The following ESR1 variants were observed in gnomAD, a reference collection of about 807,000 sequenced individuals.
ESR1 encodes the protein estrogen receptor 1.
Under a neutral mutation model 52.7 loss-of-function variants are expected in ESR1, and 12 were observed. The observed-to-expected ratio is 0.23, with a 90% CI of 0.15 to 0.37. The LOEUF (loss-of-function observed/expected upper bound fraction) is 0.37, where lower values mean the gene tolerates loss of function less well. Among genes scored for constraint, ESR1 ranks in the 10% least tolerant of loss-of-function variants. The probability of loss-of-function intolerance (pLI) is 1.00; values close to 1 mark genes in which losing one functional copy is unlikely to be tolerated. For synonymous variants in ESR1, 305 were observed against 316.8 expected, an observed-to-expected ratio of 0.96 and a Z score of 0.39; for missense variants, 584 against 779.7, an observed-to-expected ratio of 0.75 and a Z score of 2.99.
intron 1 of ESR1, among the ~76,000 whole-genome samples, chr6:151,670,691 C>CTCAT (rs1450069938): frequency 6.6e-6 from 1 of 151,582 alleles, no homozygotes; most frequent in Non-Finnish European, 1.5e-5. Flanking sequence ...TCAAGTGATT[C>CTCAT]TCATGGCTCA....
At chr6:151,972,042 A>G (rs186770299) in intron 4 of ESR1, among the ~76,000 whole-genome samples, 3 of 152,272 alleles carry the variant, frequency 2.0e-5, no homozygotes, top group African/African-American at 7.2e-5. Flanking sequence ...CACATAAACT[A>G]GAAAACTTAA....
chr6:152,077,539 G>GTA (rs2048842526), intron 6 of ESR1, among the ~76,000 whole-genome samples: 2 of 152,160 alleles, frequency 1.3e-5, no homozygotes, highest in African/African-American at 4.8e-5. Flanking sequence ...TGCACCATGT[G>GTA]CCTGGAAAAG....
chr6:151,848,910 TC>T (rs1228626478), intron 2 of ESR1, among the ~76,000 whole-genome samples: 1 of 152,130 alleles, frequency 6.6e-6, no homozygotes, highest in South Asian at 2.1e-4. Context: ...CTATTCCTTC[TC>T]CCCCATTCAC....
chr6:151,836,589 T>C (rs1263719516), intron 1 of ESR1, among the ~76,000 whole-genome samples: 1 of 152,186 alleles, frequency 6.6e-6, no homozygotes, highest in Non-Finnish European at 1.5e-5. Context: ...GGACCTACTG[T>C]ATATGGTTAA....
intron 6 of ESR1, among the ~76,000 whole-genome samples, chr6:152,065,343 G>A (rs996970818): frequency 3.3e-5 from 5 of 152,140 alleles, no homozygotes; most frequent in Admixed American, 3.3e-4. Context: ...ATGGGTTCAT[G>A]CATCATTCAT....
intron 3 of ESR1, among the ~76,000 whole-genome samples, chr6:151,915,289 A>T (rs1233664492): frequency 3.3e-5 from 5 of 152,158 alleles, no homozygotes; most frequent in Non-Finnish European, 7.4e-5. Context: ...CATTACCAAG[A>T]ATGCATGGAA....
intron 4 of ESR1, among the ~76,000 whole-genome samples, chr6:151,979,329 C>A (rs183685410): frequency 6.6e-6 from 1 of 152,032 alleles, no homozygotes; most frequent in Non-Finnish European, 1.5e-5. Flanking sequence ...AGGTAGAGAA[C>A]AAGGTTACTT....
exon 7 of ESR1, chr6:152,127,903 C>T (rs1357368534): frequency 6.6e-6 from 1 of 152,132 alleles, no homozygotes; most frequent in South Asian, 2.1e-4. Context: ...TTTTTTCCCT[C>T]TTTCAGTGTT....
At chr6:151,906,584 A>C (rs1797491500) in intron 3 of ESR1, among the ~76,000 whole-genome samples, 1 of 151,572 alleles carries the variant, frequency 6.6e-6, no homozygotes, top group Non-Finnish European at 1.5e-5. Context: ...TATAGCAACA[A>C]AATACCGGCA....
chr6:151,944,726 T>C (rs1340697724), intron 4 of ESR1, among the ~76,000 whole-genome samples: 2 of 152,220 alleles, frequency 1.3e-5, no homozygotes, highest in Non-Finnish European at 2.9e-5. Flanking sequence ...ACTGAAATTC[T>C]TAAATTGACA....
chr6:151,678,499 G>A (rs1342464159), intron 1 of ESR1, among the ~76,000 whole-genome samples: 1 of 151,662 alleles, frequency 6.6e-6, no homozygotes. Context: ...GTTGATGCCT[G>A]AGTCTCTCCC....
At position 152,066,143 on chromosome 6, in the gene ESR1, C is replaced by A. The variant is rs62429677; in HGVS notation, c.1369+5019C>A. On this transcript the variant is annotated intron_variant, in intron 6 of 7. Coordinates refer to ENST00000206249, the MANE Select transcript of ESR1 (RefSeq NM_000125.4). ...TTGCCATGATGGTGCCCTCATGAAACGAAGGATGCTGAAGCAGATGCCATT... is the reference window on the plus strand; with the variant it reads ...TTGCCATGATGGTGCCCTCATGAAAAGAAGGATGCTGAAGCAGATGCCATT... 1.7e-4 allele frequency among the ~76,000 whole-genome samples: 26 copies of A among 152,252 alleles called. No individual in the cohort carries two copies. The East Asian group carries it at 4.2e-3, about 25-fold the overall frequency.
At position 151,808,506 on chromosome 6, in the gene ESR1, G is replaced by GC. The variant is rs1184242902; in HGVS notation, c.452+143dup. ...AGGGTGCGCGCAGGGAGCCCGGGGC[G>GC]CGCGGCCCAGCCCGGGGGTTCTGCG... is the stretch of plus-strand genomic sequence containing the variant. On this transcript the variant is annotated intron_variant, in intron 1 of 7. Transcript: ENST00000206249. 9.5e-6 allele frequency: 6 copies of GC among 628,624 alleles called. No individual in the cohort carries two copies. The African/African-American group carries it at 1.2e-4, about 12-fold the overall frequency. 38.9% of individuals were successfully genotyped at this position (628,624 alleles called of 1,614,324 possible).
intron 2 of ESR1, among the ~76,000 whole-genome samples, chr6:151,715,075 T>C (rs1780924123): frequency 6.6e-6 from 1 of 152,236 alleles, no homozygotes; most frequent in Non-Finnish European, 1.5e-5. Context: ...GTAAAGGATC[T>C]TATTTCTCTT....
At chr6:151,965,756 C>G (rs963980157) in intron 4 of ESR1, among the ~76,000 whole-genome samples, 2 of 151,972 alleles carry the variant, frequency 1.3e-5, no homozygotes, top group Non-Finnish European at 2.9e-5. Flanking sequence ...TACATTTACC[C>G]TTCTTTTCCA....
chr6:151,687,745 A>G (rs1312836374), upstream of ESR1, among the ~76,000 whole-genome samples: 1 of 152,180 alleles, frequency 6.6e-6, no homozygotes, highest in Non-Finnish European at 1.5e-5. Flanking sequence ...AAAAATTTCT[A>G]GAATTTCATT....
intron 3 of ESR1, among the ~76,000 whole-genome samples, chr6:151,909,252 C>T (rs1333991761): frequency 2.0e-5 from 3 of 152,180 alleles, no homozygotes; most frequent in Non-Finnish European, 4.4e-5. Context: ...GCACAGCTTC[C>T]ATGGCCTGCT....
rs35757543 is a variant in ESR1, at chr6:152,002,520, C to T, written c.1097-9136C>T. ...AAGGTACAAGTGCTTGTTGACTTTT[C>T]GGATGCAGCCAGTCTGTGCTCTTTG... On this transcript the variant is annotated intron_variant, in intron 4 of 7. Coordinates refer to ENST00000206249, the MANE Select transcript of ESR1 (RefSeq NM_000125.4). Among the ~76,000 whole-genome samples, 306 of 152,072 alleles carry T rather than the reference C, an allele frequency of 2.0e-3. 2 individuals carry two copies. The highest frequency in any genetic ancestry group is 6.7e-3 in the African/African-American group (278 of 41,512).
At chr6:151,769,103 T>A (rs2128106077) in intron 2 of ESR1, among the ~76,000 whole-genome samples, 1 of 152,326 alleles carries the variant, frequency 6.6e-6, no homozygotes, top group East Asian at 1.9e-4. Context: ...ATCTTGATAT[T>A]GACTTACGTA....
Sources: allele counts gnomAD v4.1 joint callset (sites outside exome capture counted in the v4.1 genomes callset), GRCh38; gene constraint gnomAD v4.1.1; transcripts MANE v1.5; gene names NCBI Gene and HGNC (gene_info 2026-07-23, HGNC 2026-07-21).